The following NBEA variants were observed in gnomAD, a reference collection of about 807,000 sequenced individuals.
NBEA encodes the protein lysosomal-trafficking regulator 2.
In NBEA, 44 loss-of-function variants were observed where a neutral mutation model predicts 343.4. That is an observed-to-expected ratio of 0.13 (90% CI 0.10 to 0.16). The LOEUF (loss-of-function observed/expected upper bound fraction) is 0.16. Ranked by LOEUF, NBEA falls within the 10% of genes least tolerant of loss-of-function variation. NBEA has a pLI of 1.00. For missense variants in NBEA, 2,555 were observed against 3,631.3 expected (o/e 0.70, Z 7.62); for synonymous variants, 1,175 against 1,238.7 (o/e 0.95, Z 1.08).
At chr13:35,630,149 A>G (rs2083390356) in intron 49 of NBEA, among the ~76,000 whole-genome samples, 1 of 152,192 alleles carries the variant, frequency 6.6e-6, no homozygotes, top group Admixed American at 6.5e-5. Context: ...TGACAGAAAA[A>G]TAGCAGGTTT....
At chr13:35,494,715 A>AACATGGCT (rs2076614058) in intron 41 of NBEA, among the ~76,000 whole-genome samples, 1 of 152,026 alleles carries the variant, frequency 6.6e-6, no homozygotes, top group Non-Finnish European at 1.5e-5. Context: ...TGGATTAAAC[A>AACATGGCT]GTCCAATAAA....
intron 41 of NBEA, among the ~76,000 whole-genome samples, chr13:35,497,556 C>T (rs958442249): frequency 6.6e-6 from 1 of 152,032 alleles, no homozygotes; most frequent in African/African-American, 2.4e-5. Flanking sequence ...GGTTTACCTA[C>T]AAGAGATTAA....
intron 39 of NBEA, among the ~76,000 whole-genome samples, chr13:35,445,073 G>A (rs2045924022): frequency 6.6e-6 from 1 of 152,090 alleles, no homozygotes; most frequent in South Asian, 2.1e-4. Flanking sequence ...AGGAAGAATA[G>A]TAACTCCAAC....
chr13:35,317,615 A>G (rs1366322737), intron 36 of NBEA, among the ~76,000 whole-genome samples: 1 of 152,170 alleles, frequency 6.6e-6, no homozygotes, highest in Non-Finnish European at 1.5e-5. Flanking sequence ...TATTAAATTG[A>G]AAGTAGTTTT....
chr13:35,333,684 C>A (rs368636189), intron 36 of NBEA, among the ~76,000 whole-genome samples: 40 of 152,146 alleles, frequency 2.6e-4, no homozygotes, highest in African/African-American at 8.9e-4. Flanking sequence ...CTACCTCTCT[C>A]CAACTCCTCA....
chr13:34,975,955 C>T (rs1186087343), intron 1 of NBEA, among the ~76,000 whole-genome samples: 1 of 152,164 alleles, frequency 6.6e-6, no homozygotes, highest in African/African-American at 2.4e-5. Flanking sequence ...GAAAAGGGAA[C>T]ACTTTTACAC....
chr13:35,545,637 T>A (rs571416725), intron 41 of NBEA, among the ~76,000 whole-genome samples: 1 of 152,314 alleles, frequency 6.6e-6, no homozygotes, highest in African/African-American at 2.4e-5. Flanking sequence ...TTCTTTGACA[T>A]ACCTTAGTAT....
At position 34,948,145 on chromosome 13, in the gene NBEA, C is replaced by T. The variant is rs555861519; in HGVS notation, c.294+5031C>T. 5.3e-5 allele frequency among the ~76,000 whole-genome samples: 8 copies of T among 152,248 alleles called. No homozygotes were observed. In the South Asian group the frequency reaches 1.5e-3, roughly 28 times the overall value. Reference sequence around the variant, plus strand: ...ACATCTCTTGTTTTTGTGTGTCTGGCGTACATGTCACCTCTTTGTAGTGGT... The same window carrying T: ...ACATCTCTTGTTTTTGTGTGTCTGGTGTACATGTCACCTCTTTGTAGTGGT... On this transcript the variant is annotated intron_variant, in intron 1 of 58. Transcript: ENST00000379939.
At chr13:35,284,175 T>G (rs937912605) in intron 34 of NBEA, among the ~76,000 whole-genome samples, 2 of 152,148 alleles carry the variant, frequency 1.3e-5, no homozygotes, top group Non-Finnish European at 2.9e-5. Context: ...GTCAAAAATA[T>G]TTACTATCAG....
chr13:35,533,817 T>TGA (rs2078392256), intron 41 of NBEA, among the ~76,000 whole-genome samples: 1 of 152,168 alleles, frequency 6.6e-6, no homozygotes, highest in Admixed American at 6.6e-5. Context: ...CTGCATTCAT[T>TGA]GAGTACTTGC....
intron 22 of NBEA, 96 bp from the exon 23 acceptor site, chr13:35,161,654 C>G: frequency 1.0e-6 from 1 of 981,794 alleles, no homozygotes; most frequent in Non-Finnish European, 1.5e-6. Context: ...TATGCTAAAG[C>G]ATTAAAGCAT....
At chr13:35,070,569 T>C (rs2063826400) in intron 9 of NBEA, 150 bp from the exon 10 acceptor site, 1 of 639,398 alleles carries the variant, frequency 1.6e-6, no homozygotes. Context: ...TATTCACTTT[T>C]TTGTCTTATA....
At chr13:35,501,157 G>A (rs2076872969) in intron 41 of NBEA, among the ~76,000 whole-genome samples, 1 of 152,064 alleles carries the variant, frequency 6.6e-6, no homozygotes. Flanking sequence ...TTAGTATCAT[G>A]AGAGTTTTCA....
At chr13:35,063,337 T>C (rs1443246694) in intron 8 of NBEA, among the ~76,000 whole-genome samples, 4 of 152,014 alleles carry the variant, frequency 2.6e-5, no homozygotes, top group African/African-American at 9.6e-5. Flanking sequence ...AAGAAAAATA[T>C]ATAGTGTCTA....
At chr13:35,559,085 A>G (rs567122526) in intron 44 of NBEA, among the ~76,000 whole-genome samples, 54 of 152,338 alleles carry the variant, frequency 3.5e-4, no homozygotes, top group Middle Eastern at 3.4e-3. Flanking sequence ...TCATCCTGAA[A>G]TTTTAAATAG....
intron 1 of NBEA, among the ~76,000 whole-genome samples, chr13:34,955,801 T>TAG (rs1219936406): frequency 1.3e-5 from 2 of 152,296 alleles, no homozygotes; most frequent in African/African-American, 4.8e-5. Flanking sequence ...TTGTTCTGTT[T>TAG]AGGCCTTCAA....
chr13:35,580,148 G>A (rs544134513), intron 45 of NBEA, among the ~76,000 whole-genome samples: 7 of 151,712 alleles, frequency 4.6e-5, no homozygotes, highest in Admixed American at 2.6e-4. Flanking sequence ...TGCATTTTTT[G>A]CACCATTTTT....
intron 17 of NBEA, among the ~76,000 whole-genome samples, chr13:35,135,746 G>T (rs1383394864): frequency 6.6e-6 from 1 of 151,804 alleles, no homozygotes; most frequent in African/African-American, 2.4e-5. Flanking sequence ...AGAAAGCACA[G>T]AAACACATCC....
At chr13:35,018,408 T>G (rs1315516893) in intron 1 of NBEA, among the ~76,000 whole-genome samples, 1 of 152,154 alleles carries the variant, frequency 6.6e-6, no homozygotes, top group Non-Finnish European at 1.5e-5. Context: ...CTTGTTATTA[T>G]TTTTTAATCT....
Sources: allele counts gnomAD v4.1 joint callset (sites outside exome capture counted in the v4.1 genomes callset), GRCh38; gene constraint gnomAD v4.1.1; transcripts MANE v1.5; gene names NCBI Gene and HGNC (gene_info 2026-07-23, HGNC 2026-07-21).